NTM: variants seen among roughly 807,000 people sequenced by gnomAD.
The protein encoded by NTM is neurotrimin, also known as IgLON family member 2.
NTM carries 13 observed loss-of-function variants against 42.1 expected under a neutral mutation model. The observed-to-expected ratio is 0.31, with a 90% CI of 0.20 to 0.49. The LOEUF (loss-of-function observed/expected upper bound fraction) is 0.49. NTM is among the 20% of genes least tolerant of loss of function. The probability of loss-of-function intolerance (pLI) is 0.99; values close to 1 mark genes in which losing one functional copy is unlikely to be tolerated. For missense variants in NTM, 373 were observed against 452.8 expected, an observed-to-expected ratio of 0.82 and a Z score of 1.60; for synonymous variants, 187 against 179.2, an observed-to-expected ratio of 1.04 and a Z score of -0.35.
chr11:132,270,937 A>C (rs982360492), intron 4 of NTM, among the ~76,000 whole-genome samples: 1 of 152,208 alleles, frequency 6.6e-6, no homozygotes, highest in African/African-American at 2.4e-5. Context: ...TCATTTACAA[A>C]TGTATAATTT....
chr11:131,654,472 A>G (rs2066918739), intron 1 of NTM, among the ~76,000 whole-genome samples: 1 of 151,978 alleles, frequency 6.6e-6, no homozygotes, highest in Non-Finnish European at 1.5e-5. Context: ...GGTTCCATCT[A>G]ATGCAGAGCT....
chr11:131,447,059 C>T (rs553314393), intron 1 of NTM, among the ~76,000 whole-genome samples: 10 of 152,256 alleles, frequency 6.6e-5, no homozygotes, highest in East Asian at 3.9e-4. Flanking sequence ...TTGATAGTCT[C>T]CTAATTTACA....
At chr11:131,940,904 G>A (rs2059722362) in intron 2 of NTM, among the ~76,000 whole-genome samples, 1 of 152,204 alleles carries the variant, frequency 6.6e-6, no homozygotes, top group African/African-American at 2.4e-5. Flanking sequence ...AGCTGATACA[G>A]TGTCTTTAAA....
intron 4 of NTM, among the ~76,000 whole-genome samples, chr11:132,301,166 G>C (rs1383532461): frequency 6.6e-6 from 1 of 152,212 alleles, no homozygotes; most frequent in Non-Finnish European, 1.5e-5. Flanking sequence ...CAGGGCAGAA[G>C]GGGAAATAAA....
At chr11:132,264,572 G>T (rs907901142) in intron 4 of NTM, among the ~76,000 whole-genome samples, 3 of 151,994 alleles carry the variant, frequency 2.0e-5, no homozygotes, top group African/African-American at 7.3e-5. Flanking sequence ...TGCTTAGGCA[G>T]GCTTGCATTT....
At chr11:132,295,945 T>C (rs984471211) in intron 4 of NTM, among the ~76,000 whole-genome samples, 4 of 152,074 alleles carry the variant, frequency 2.6e-5, no homozygotes, top group Non-Finnish European at 5.9e-5. Context: ...ATTAAGACAG[T>C]AACAATGATG....
At chr11:131,555,941 A>C (rs1014763810) in intron 1 of NTM, among the ~76,000 whole-genome samples, 4 of 152,168 alleles carry the variant, frequency 2.6e-5, no homozygotes, top group African/African-American at 9.7e-5. Context: ...AATGTTCCAG[A>C]TGCCAACGGT....
At chr11:131,395,545 C>T (rs1944455530) in intron 1 of NTM, among the ~76,000 whole-genome samples, 1 of 152,134 alleles carries the variant, frequency 6.6e-6, no homozygotes, top group Non-Finnish European at 1.5e-5. Context: ...ACTCCTGTGG[C>T]TATTTATAAT....
intron 3 of NTM, among the ~76,000 whole-genome samples, chr11:132,193,578 A>G (rs186947072): frequency 1.4e-3 from 208 of 152,290 alleles, no homozygotes; most frequent in Non-Finnish European, 1.5e-3. Context: ...TCTCAAATTA[A>G]CAACCAAATG....
chr11:131,970,245 A>G (rs1228889129), intron 2 of NTM, among the ~76,000 whole-genome samples: 4 of 152,064 alleles, frequency 2.6e-5, no homozygotes, highest in Admixed American at 6.5e-5. Flanking sequence ...CATGGCTCCA[A>G]TTTTTCTATG....
intron 2 of NTM, among the ~76,000 whole-genome samples, chr11:131,973,641 AC>A (rs2063883976): frequency 6.6e-6 from 1 of 152,190 alleles, no homozygotes; most frequent in African/African-American, 2.4e-5. Flanking sequence ...ACATGGGGAA[AC>A]CCCGTCTCTA....
At chr11:131,813,180 A>T (rs1282313719) in intron 1 of NTM, among the ~76,000 whole-genome samples, 1 of 152,150 alleles carries the variant, frequency 6.6e-6, no homozygotes, top group Non-Finnish European at 1.5e-5. Flanking sequence ...GACTTACCAA[A>T]CATCAATTTA....
At chr11:131,607,533 T>C (rs1378567572) in intron 1 of NTM, among the ~76,000 whole-genome samples, 1 of 152,184 alleles carries the variant, frequency 6.6e-6, no homozygotes, top group Non-Finnish European at 1.5e-5. Context: ...TCCATTTCTT[T>C]CTTCCCTCAA....
chr11:132,089,555 T>C (rs2060143646), intron 2 of NTM, among the ~76,000 whole-genome samples: 1 of 152,188 alleles, frequency 6.6e-6, no homozygotes, highest in African/African-American at 2.4e-5. Flanking sequence ...TCTCTTCAAT[T>C]AGGACACAAA....
At chr11:131,889,462 G>A (rs1041654606) in intron 1 of NTM, among the ~76,000 whole-genome samples, 3 of 152,150 alleles carry the variant, frequency 2.0e-5, no homozygotes, top group Admixed American at 1.3e-4. Context: ...CCTTTGATGT[G>A]TGCTAAGCAA....
chr11:132,146,705 A>G lies in NTM; in HGVS notation c.400+191A>G. ...CCAGTCATTTTCATTGAGTGGAACT[A>G]GGAATTGTTTTTTTCATTTTTGTTC... On this transcript the variant is annotated intron_variant, in intron 3 of 8. Transcript: ENST00000683400. The surrounding 1 kb of genome is among the most constrained non-coding windows in gnomAD (Gnocchi z 4.5). The G allele has an allele frequency of 2.0e-6, 1 of 503,428 alleles. No homozygotes were observed. Among genetic ancestry groups the G allele is most frequent in the Non-Finnish European group, 3.4e-6 (1 of 291,838 alleles). 31.2% of individuals were successfully genotyped at this position (503,428 alleles called of 1,614,324 possible). A position where few individuals can be genotyped will look rare whatever the true frequency, so the allele number is the denominator to read the frequency against.
intron 1 of NTM, among the ~76,000 whole-genome samples, chr11:131,408,227 C>G (rs1162063705): frequency 6.6e-6 from 1 of 152,182 alleles, no homozygotes; most frequent in Non-Finnish European, 1.5e-5. Context: ...AAGAGGGAGA[C>G]AAAACGCCTG....
chr11:132,001,861 A>G (rs1322401371), intron 2 of NTM, among the ~76,000 whole-genome samples: 3 of 152,124 alleles, frequency 2.0e-5, no homozygotes, highest in South Asian at 4.2e-4. Context: ...GCAATTGCCA[A>G]ATGATATTAA....
intron 2 of NTM, among the ~76,000 whole-genome samples, chr11:131,912,099 C>T (rs2055208168): frequency 6.6e-6 from 1 of 152,184 alleles, no homozygotes; most frequent in African/African-American, 2.4e-5. Context: ...GCTTTGCCAG[C>T]CCTGGCTCCT....
Sources: gnomAD v4.1 joint callset for allele counts (sites outside exome capture counted in the v4.1 genomes callset) on GRCh38, gnomAD v4.1.1 for gene constraint, Gnocchi (gnomAD v3.1) non-coding constraint, MANE v1.5 for transcripts, NCBI Gene and HGNC (gene_info 2026-07-23, HGNC 2026-07-21) for gene names.